SSBP2: variants seen among roughly 807,000 people sequenced by gnomAD.
The protein encoded by SSBP2 is single stranded DNA binding protein 2, also known as single-stranded DNA-binding protein 2.
A neutral mutation model predicts 61.8 loss-of-function variants in SSBP2; 17 were observed. The observed-to-expected ratio is 0.28, with a 90% confidence interval of 0.19 to 0.41. The LOEUF is 0.41. Among genes scored for constraint, SSBP2 ranks in the 10% least tolerant of loss-of-function variants. SSBP2 has a pLI of 1.00. For missense variants in SSBP2, 310 were observed against 458.7 expected, an observed-to-expected ratio of 0.68 and a Z score of 2.96; for synonymous variants, 139 against 141.3, an observed-to-expected ratio of 0.98 and a Z score of 0.12.
At chr5:81,693,009 T>C (rs1405008132) in intron 1 of SSBP2, among the ~76,000 whole-genome samples, 1 of 151,712 alleles carries the variant, frequency 6.6e-6, no homozygotes, top group African/African-American at 2.4e-5. Flanking sequence ...ATGGAGACCA[T>C]CCTGGCCAAC....
chr5:81,426,089 T>C (rs1399232757), intron 16 of SSBP2, among the ~76,000 whole-genome samples: 2 of 152,260 alleles, frequency 1.3e-5, no homozygotes, highest in Non-Finnish European at 2.9e-5. Flanking sequence ...AGTTCTGCTT[T>C]TCCTTGATTA....
rs563053232 is a variant in SSBP2 at position 81,423,722 on chromosome 5, G to A, written c.1057-3189C>T. Among the ~76,000 whole-genome samples the A allele has an allele frequency of 1.8e-4, 27 of 151,866 alleles. No individual in the cohort carries two copies. In the South Asian group the frequency reaches 3.1e-3, roughly 18 times the overall value. The stretch of plus-strand genomic sequence containing the variant: ...ATTGTGCCACTGCACTCTAGCCTGG[G>A]TGACAGAGCAAGACTCCGTCTCAAA... On this transcript the variant is annotated intron_variant, in intron 16 of 16. Coordinates refer to ENST00000320672, the MANE Select transcript of SSBP2 (RefSeq NM_012446.5).
intron 4 of SSBP2, among the ~76,000 whole-genome samples, chr5:81,515,034 T>C (rs1768908203): frequency 6.6e-6 from 1 of 152,048 alleles, no homozygotes; most frequent in African/African-American, 2.4e-5. Context: ...CGCACATTAA[T>C]GGAATACCTA....
At chr5:81,714,293 T>C (rs1212297302) in intron 1 of SSBP2, among the ~76,000 whole-genome samples, 4 of 152,214 alleles carry the variant, frequency 2.6e-5, no homozygotes, top group African/African-American at 9.6e-5. Context: ...ACATTTTATT[T>C]ATCCAGTCTA....
intron 16 of SSBP2, among the ~76,000 whole-genome samples, chr5:81,425,291 T>C (rs115134445): frequency 1.6e-3 from 243 of 152,276 alleles, no homozygotes; most frequent in African/African-American, 5.6e-3. Flanking sequence ...CTTTATTTTC[T>C]TAGAGAGAAA....
At chr5:81,550,339 C>G (rs1260643806) in intron 4 of SSBP2, among the ~76,000 whole-genome samples, 2 of 152,136 alleles carry the variant, frequency 1.3e-5, no homozygotes, top group Non-Finnish European at 2.9e-5. Context: ...GGCCACAATC[C>G]TATCTTATAT....
chr5:81,450,480 C>T (rs773629005), intron 10 of SSBP2, among the ~76,000 whole-genome samples: 12 of 152,184 alleles, frequency 7.9e-5, no homozygotes, highest in Non-Finnish European at 1.3e-4. Context: ...CTTTAAGATA[C>T]AATCTAATTA....
At chr5:81,610,375 A>G (rs1363728134) in intron 4 of SSBP2, among the ~76,000 whole-genome samples, 1 of 152,250 alleles carries the variant, frequency 6.6e-6, no homozygotes, top group Non-Finnish European at 1.5e-5. Flanking sequence ...TCTTCTTTAA[A>G]AAGATATTAA....
At chr5:81,555,188 C>T (rs1772501282) in intron 4 of SSBP2, among the ~76,000 whole-genome samples, 1 of 151,868 alleles carries the variant, frequency 6.6e-6, no homozygotes, top group African/African-American at 2.4e-5. Flanking sequence ...TTATTTATAG[C>T]AAAATAAATT....
intron 16 of SSBP2, among the ~76,000 whole-genome samples, chr5:81,422,204 C>G (rs895525273): frequency 6.6e-6 from 1 of 151,960 alleles, no homozygotes; most frequent in Non-Finnish European, 1.5e-5. Flanking sequence ...TAGGCGAGCA[C>G]GAACTTTTCA....
chr5:81,601,373 C>T (rs979642919), intron 4 of SSBP2, among the ~76,000 whole-genome samples: 19 of 152,118 alleles, frequency 1.2e-4, no homozygotes, highest in African/African-American at 4.3e-4. Flanking sequence ...TATATCTTGA[C>T]TCAGGTAGTG....
chr5:81,730,401 C>T (rs1008336445), intron 1 of SSBP2, among the ~76,000 whole-genome samples: 4 of 152,148 alleles, frequency 2.6e-5, no homozygotes, highest in Admixed American at 2.0e-4. Context: ...ATTTTTATAA[C>T]TTTAATAAAG....
At chr5:81,666,637 T>C (rs1415689977) in intron 1 of SSBP2, among the ~76,000 whole-genome samples, 1 of 152,198 alleles carries the variant, frequency 6.6e-6, no homozygotes, top group Admixed American at 6.5e-5. Flanking sequence ...TAAATAATTA[T>C]CTATAGAGTT....
chr5:81,588,368 CAG>C (rs1277654438), intron 4 of SSBP2, among the ~76,000 whole-genome samples: 1 of 152,128 alleles, frequency 6.6e-6, no homozygotes, highest in Non-Finnish European at 1.5e-5. Context: ...GATACAAACT[CAG>C]AAAGTAACTT....
At chr5:81,591,654 G>A (rs182660888) in intron 4 of SSBP2, among the ~76,000 whole-genome samples, 1 of 152,236 alleles carries the variant, frequency 6.6e-6, no homozygotes, top group African/African-American at 2.4e-5. Flanking sequence ...GACTGTCTTT[G>A]ACAAACTCAT....
chr5:81,640,629 CAA>C (rs1209069739), intron 2 of SSBP2, among the ~76,000 whole-genome samples: 2 of 151,906 alleles, frequency 1.3e-5, no homozygotes, highest in Non-Finnish European at 2.9e-5. Flanking sequence ...TTATGAGAAA[CAA>C]AACTCTGATG....
intron 4 of SSBP2, among the ~76,000 whole-genome samples, chr5:81,546,368 C>T (rs1047051371): frequency 2.0e-5 from 3 of 152,134 alleles, no homozygotes; most frequent in African/African-American, 7.2e-5. Context: ...TTCTTTACCT[C>T]AACCCAATAA....
intron 10 of SSBP2, among the ~76,000 whole-genome samples, chr5:81,456,159 A>G (rs1308834226): frequency 6.6e-6 from 1 of 152,156 alleles, no homozygotes; most frequent in Non-Finnish European, 1.5e-5. Flanking sequence ...TATTTGGAGT[A>G]ATTTGTTCAT....
chr5:81,501,875 T>C (rs1160252286), intron 5 of SSBP2, among the ~76,000 whole-genome samples: 1 of 152,132 alleles, frequency 6.6e-6, no homozygotes, highest in Admixed American at 6.5e-5. Flanking sequence ...CTGGTGTTGT[T>C]TCTTGTACTG....
Sources: allele counts gnomAD v4.1 joint callset (sites outside exome capture counted in the v4.1 genomes callset), GRCh38; gene constraint gnomAD v4.1.1; transcripts MANE v1.5; gene names NCBI Gene and HGNC (gene_info 2026-07-23, HGNC 2026-07-21).